CPD: variants seen among roughly 807,000 people sequenced by gnomAD.
The protein encoded by CPD is carboxypeptidase D, also known as metallocarboxypeptidase D.
A neutral mutation model predicts 138.3 loss-of-function variants in CPD; 69 were observed. That is an observed-to-expected ratio of 0.50 (90% CI 0.41 to 0.61). CPD has a LOEUF of 0.61. CPD is among the 20% of genes least tolerant of loss of function. The pLI is 0.00. For missense variants in CPD, 1,432 were observed against 1,733.3 expected, an observed-to-expected ratio of 0.83 and a Z score of 3.09; for synonymous variants, 651 against 642.1, an observed-to-expected ratio of 1.01 and a Z score of -0.21.
At chr17:30,426,790 C>T (rs1912423249) in intron 6 of CPD, among the ~76,000 whole-genome samples, 1 of 152,180 alleles carries the variant, frequency 6.6e-6, no homozygotes. Context: ...AGGTTGTTAT[C>T]ATCCTTGCTT....
At chr17:30,435,774 A>T (rs1912683905) in intron 8 of CPD, among the ~76,000 whole-genome samples, 1 of 152,156 alleles carries the variant, frequency 6.6e-6, no homozygotes, top group Admixed American at 6.5e-5. Context: ...ATAGTTTTGG[A>T]GGCCAGAAGT....
intron 2 of CPD, among the ~76,000 whole-genome samples, chr17:30,394,889 G>A (rs1290364395): frequency 7.5e-6 from 1 of 132,664 alleles, no homozygotes; most frequent in African/African-American, 3.0e-5. Flanking sequence ...GCAAGCGAGT[G>A]AGCATGTGTG....
At chr17:30,383,664 T>C (rs774597987) in intron 1 of CPD, among the ~76,000 whole-genome samples, 1 of 152,246 alleles carries the variant, frequency 6.6e-6, no homozygotes, top group Non-Finnish European at 1.5e-5. Flanking sequence ...TTTCATTGTT[T>C]GATCTTCTCT....
At position 30,379,317 on chromosome 17, in the gene CPD, G is replaced by A. The variant is rs1400708937; in HGVS notation, c.337G>A (p.Gly113Arg). Residue 113 changes from glycine to arginine, a missense_variant, in exon 1 of 21, where the codon GGG (glycine) becomes AGG (arginine). Transcript: ENST00000225719. This position sits in a 1 kb window ranked among gnomAD's most constrained non-coding sequence, Gnocchi z 7.0. ...GTCGCTAATCCCTGAGGGCGACGCG[G>A]GGCCTGACGCTGCCGGGCCCGACGC... is the stretch of plus-strand genomic sequence containing the variant. Reference protein sequence around the residue: ...LGSLIPEGDAGPDAAGPDAAG... With the variant: ...LGSLIPEGDARPDAAGPDAAG... 2.7e-6 allele frequency: 4 copies of A among 1,493,990 alleles called. No homozygotes were observed. The highest frequency in any genetic ancestry group is 2.9e-5 in the African/African-American group (2 of 68,390). 92.5% of individuals were successfully genotyped at this position (1,493,990 alleles called of 1,614,324 possible). A position where few individuals can be genotyped will look rare whatever the true frequency, so the allele number is the denominator to read the frequency against.
intron 2 of CPD, among the ~76,000 whole-genome samples, chr17:30,391,497 C>G (rs911462534): frequency 6.6e-6 from 1 of 152,144 alleles, no homozygotes; most frequent in Non-Finnish European, 1.5e-5. Flanking sequence ...GATCAAAGAT[C>G]ATAGTTTTAT....
rs748290615 is a variant in CPD, at chr17:30,451,730, T to C, written c.3089T>C (p.Ile1030Thr). 2.5e-6 allele frequency: 4 copies of C among 1,613,864 alleles called. No individual in the cohort carries two copies. The highest frequency in any genetic ancestry group is 3.4e-6 in the Non-Finnish European group (4 of 1,179,938). Residue 1030 changes from isoleucine (I) to threonine (T), a missense_variant, in exon 14 of 21, where the codon ATT (isoleucine) becomes ACT (threonine). Transcript: ENST00000225719. ...AVTQLVDRTR[I>T]VIVPSLNPDG... Reference sequence around the variant, plus strand: ...CTTCAGTTGGTTGACAGGACTAGGATTGTGATTGTCCCTTCTCTAAATCCA... The same window carrying C: ...CTTCAGTTGGTTGACAGGACTAGGACTGTGATTGTCCCTTCTCTAAATCCA...
Position 30,461,306 on chromosome 17 carries a change from G to T in CPD, c.3625G>T (p.Val1209Leu), listed in dbSNP as rs1196339471. 3 of 1,585,472 alleles carry T rather than the reference G, an allele frequency of 1.9e-6. No individual in the cohort carries two copies. The highest frequency in any genetic ancestry group is 1.7e-6 in the Non-Finnish European group (2 of 1,167,014). Residue 1209 changes from valine (V) to leucine (L), a missense_variant, in exon 18 of 21, where the codon GTG (valine) becomes TTG (leucine). Coordinates refer to ENST00000225719, the MANE Select transcript of CPD (RefSeq NM_001304.5). ...TAAGAGATCTCTTCTTAGTATGTTA[G>T]TGGAGGTGAGTCTTTTCCTTTTAAC... Reference protein sequence around the residue: ...DNKRSLLSMLVEVHKGVHGFV... With the variant: ...DNKRSLLSMLLEVHKGVHGFV...
At chr17:30,414,302 G>A (rs181001782) in intron 2 of CPD, among the ~76,000 whole-genome samples, 21 of 152,304 alleles carry the variant, frequency 1.4e-4, no homozygotes, top group South Asian at 4.1e-4. Context: ...GAGGCTGGGC[G>A]CAGTGGCTCA....
rs1913663894 is a variant in CPD at position 30,467,132 on chromosome 17, G to A, written c.*2318G>A. 1 of 152,574 alleles carries A rather than the reference G, an allele frequency of 6.6e-6. No homozygotes were observed. The highest frequency in any genetic ancestry group is 2.4e-5 in the African/African-American group (1 of 41,420). The allele number at this position is 152,574 out of a possible 1,614,324, so 9.5% of individuals were successfully genotyped here. A position where few individuals can be genotyped will look rare whatever the true frequency, so the allele number is the denominator to read the frequency against. ...ACCGCTTAAGGCATTGAAGCCATAT[G>A]GGATGGGGAATGCATTTCTTCAGTG... On this transcript the variant is annotated 3_prime_UTR_variant, in exon 21 of 21. Transcript: ENST00000225719.
Position 30,464,833 on chromosome 17 carries a change from C to A in CPD, c.*19C>A. On this transcript the variant is annotated 3_prime_UTR_variant, in exon 21 of 21. Transcript: ENST00000225719. ...ACATTGAAAAACACATTTTGCATATCTCCCAGCATAAGTACCAAGCAAAAT... is the reference window on the plus strand; with the variant it reads ...ACATTGAAAAACACATTTTGCATATATCCCAGCATAAGTACCAAGCAAAAT... 1 of 1,596,206 alleles carries A rather than the reference C, an allele frequency of 6.3e-7. No homozygotes were observed. Among genetic ancestry groups the A allele is most frequent in the Non-Finnish European group, 8.6e-7 (1 of 1,164,838 alleles).
chr17:30,385,275 T>C, intron 2 of CPD, 39 bp downstream of exon 2: 1 of 1,607,550 alleles, frequency 6.2e-7, no homozygotes, highest in Non-Finnish European at 8.5e-7. Flanking sequence ...TTCCCCCTTG[T>C]TCGTTGAATT....
At position 30,416,060 on chromosome 17, in the gene CPD, C is replaced by T. The variant is rs545315467; in HGVS notation, c.995-4781C>T. On this transcript the variant is annotated intron_variant, in intron 2 of 20. Coordinates refer to ENST00000225719, the MANE Select transcript of CPD (RefSeq NM_001304.5). ...GATGAAAATGTTCTAGGGCTGGGTG[C>T]GGTGGGTCACGCCTGTAATCCCAGC... is the stretch of plus-strand genomic sequence containing the variant. 1.1e-3 allele frequency among the ~76,000 whole-genome samples: 167 copies of T among 152,162 alleles called. 1 individual carries two copies. The highest frequency in any genetic ancestry group is 1.6e-4 in the Non-Finnish European group (11 of 67,986).
chr17:30,441,915 G>A (rs967627175), intron 9 of CPD, among the ~76,000 whole-genome samples: 13 of 150,082 alleles, frequency 8.7e-5, no homozygotes, highest in Non-Finnish European at 1.8e-4. Flanking sequence ...TCAGAATGAT[G>A]CTGGCCTCAT....
intron 20 of CPD, among the ~76,000 whole-genome samples, chr17:30,463,033 C>T (rs990420474): frequency 6.6e-6 from 1 of 152,192 alleles, no homozygotes; most frequent in Non-Finnish European, 1.5e-5. Flanking sequence ...GCCTTCATTC[C>T]GGTAAACCCA....
chr17:30,379,756 T>C lies in CPD; in HGVS notation c.746+30T>C, dbSNP rs746141912. The stretch of plus-strand genomic sequence containing the variant: ...GTGTTGCCTGCCCCCTCCCCGTCCG[T>C]GTGAGCCTCCAAGGGCCGAGGCTGG... On this transcript the variant is annotated intron_variant, in intron 1 of 20. Transcript: ENST00000225719. The surrounding 1 kb of genome is among the most constrained non-coding windows in gnomAD (Gnocchi z 7.0). 1 of 1,405,226 alleles carries C rather than the reference T, an allele frequency of 7.1e-7. No individual in the cohort carries two copies. The highest frequency in any genetic ancestry group is 9.3e-7 in the Non-Finnish European group (1 of 1,080,870). 87.0% of individuals were successfully genotyped at this position (1,405,226 alleles called of 1,614,324 possible).
chr17:30,444,138 G>T, intron 11 of CPD, 167 bp downstream of exon 11: 10 of 475,628 alleles, frequency 2.1e-5, no homozygotes, highest in Non-Finnish European at 3.2e-5. Context: ...GGCAGATAGA[G>T]TACACGAAAA....
chr17:30,461,389 T>C (rs1359849860), intron 18 of CPD, 78 bp downstream of exon 18: 24 of 1,144,070 alleles, frequency 2.1e-5, no homozygotes, highest in Non-Finnish European at 2.7e-5. Flanking sequence ...CATTGTCTTT[T>C]ACCAAAAATG....
intron 13 of CPD, among the ~76,000 whole-genome samples, chr17:30,451,454 C>T (rs1008912233): frequency 6.6e-6 from 1 of 152,200 alleles, no homozygotes; most frequent in Non-Finnish European, 1.5e-5. Context: ...TGGATTTGGC[C>T]TGCTGTTAGT....
At chr17:30,412,673 G>A (rs994211048) in intron 2 of CPD, among the ~76,000 whole-genome samples, 2 of 152,166 alleles carry the variant, frequency 1.3e-5, no homozygotes, top group African/African-American at 4.8e-5. Flanking sequence ...GTGGGTGTGG[G>A]ACCCACCGAG....
Sources: gnomAD v4.1 joint callset for allele counts (sites outside exome capture counted in the v4.1 genomes callset) on GRCh38, gnomAD v4.1.1 for gene constraint, Gnocchi (gnomAD v3.1) non-coding constraint, MANE v1.5 for transcripts, NCBI Gene and HGNC (gene_info 2026-07-23, HGNC 2026-07-21) for gene names.